The following RUNDC3B variants were observed in gnomAD, a reference collection of about 807,000 sequenced individuals.
The protein encoded by RUNDC3B is RUN domain containing 3B.
RUNDC3B carries 33 observed loss-of-function variants against 58.4 expected under a neutral mutation model. The observed-to-expected ratio is 0.56, with a 90% CI of 0.43 to 0.75. The LOEUF (loss-of-function observed/expected upper bound fraction) is 0.75, where lower values mean the gene tolerates loss of function less well. Among genes scored for constraint, RUNDC3B ranks in the 30% least tolerant of loss-of-function variants. The probability of loss-of-function intolerance (pLI) is 0.00; values close to 1 mark genes in which losing one functional copy is unlikely to be tolerated. For synonymous variants in RUNDC3B, 193 were observed against 195.2 expected, an observed-to-expected ratio of 0.99 and a Z score of 0.10; for missense variants, 501 against 535.7, an observed-to-expected ratio of 0.94 and a Z score of 0.64.
intron 6 of RUNDC3B, among the ~76,000 whole-genome samples, chr7:87,750,535 C>T (rs1484603852): frequency 1.3e-5 from 2 of 152,170 alleles, no homozygotes; most frequent in African/African-American, 2.4e-5. Flanking sequence ...TCCTCTCCAG[C>T]GCCTGTTGTT....
intron 4 of RUNDC3B, among the ~76,000 whole-genome samples, chr7:87,722,551 T>C (rs1830966077): frequency 6.6e-6 from 1 of 152,136 alleles, no homozygotes; most frequent in South Asian, 2.1e-4. Flanking sequence ...AGAAAGTTAG[T>C]ATGAGTGTAC....
chr7:87,808,710 A>G (rs916387508), intron 9 of RUNDC3B, among the ~76,000 whole-genome samples: 1 of 152,088 alleles, frequency 6.6e-6, no homozygotes, highest in African/African-American at 2.4e-5. Flanking sequence ...TAGTTCCCTT[A>G]TATGCCCTTA....
intron 1 of RUNDC3B, among the ~76,000 whole-genome samples, chr7:87,631,367 C>A (rs1430271012): frequency 6.6e-6 from 1 of 152,086 alleles, no homozygotes; most frequent in East Asian, 1.9e-4. Context: ...TCACTCATGT[C>A]TCTTATGAAT....
At chr7:87,751,373 T>G (rs1390433940) in intron 6 of RUNDC3B, among the ~76,000 whole-genome samples, 11 of 152,074 alleles carry the variant, frequency 7.2e-5, no homozygotes, top group Admixed American at 1.3e-4. Context: ...GCTCTTTTTT[T>G]ATTCCACATG....
chr7:87,714,370 G>A (rs1037767881), intron 4 of RUNDC3B, among the ~76,000 whole-genome samples: 7 of 152,120 alleles, frequency 4.6e-5, no homozygotes, highest in African/African-American at 1.7e-4. Flanking sequence ...GTTAGTGAGG[G>A]ATTTAGGGTC....
At chr7:87,802,878 G>A (rs1340639403) in intron 8 of RUNDC3B, among the ~76,000 whole-genome samples, 1 of 152,096 alleles carries the variant, frequency 6.6e-6, no homozygotes, top group Non-Finnish European at 1.5e-5. Context: ...CCCAGCTATT[G>A]GGAGATGGAG....
chr7:87,647,861 A>G (rs1424896127), intron 1 of RUNDC3B, among the ~76,000 whole-genome samples: 1 of 152,152 alleles, frequency 6.6e-6, no homozygotes, highest in Non-Finnish European at 1.5e-5. Flanking sequence ...AAATTGGCCA[A>G]CTTGCAGAGA....
intron 2 of RUNDC3B, among the ~76,000 whole-genome samples, chr7:87,662,338 C>T (rs1010888832): frequency 6.6e-6 from 1 of 152,096 alleles, no homozygotes; most frequent in Admixed American, 6.6e-5. Context: ...GTCCAATGTC[C>T]TGGAGACTTT....
At chr7:87,737,751 T>C (rs879932311) in intron 4 of RUNDC3B, among the ~76,000 whole-genome samples, 6 of 152,064 alleles carry the variant, frequency 3.9e-5, no homozygotes, top group Non-Finnish European at 8.8e-5. Context: ...TTAAATCATA[T>C]CTTACACTTA....
chr7:87,628,593 GT>G lies in RUNDC3B; in HGVS notation c.-230del. On this transcript the variant is annotated 5_prime_UTR_variant, in exon 1 of 11. Transcript: ENST00000394654. ...AGGTGGTGCGTGCGTGCGTGTGTGT[GT>G]GTGTGTGTGTGTGTGTGTGTGTGTG... is the stretch of plus-strand genomic sequence containing the variant. 2 of 124,706 alleles carry G rather than the reference GT, an allele frequency of 1.6e-5. No individual in the cohort carries two copies. The highest frequency in any genetic ancestry group is 1.2e-4 in the East Asian group (1 of 8,130). 7.7% of individuals were successfully genotyped at this position (124,706 alleles called of 1,614,324 possible). A position where few individuals can be genotyped will look rare whatever the true frequency, so the allele number is the denominator to read the frequency against.
intron 6 of RUNDC3B, among the ~76,000 whole-genome samples, chr7:87,749,407 C>A (rs1284103648): frequency 6.6e-6 from 1 of 152,016 alleles, no homozygotes; most frequent in African/African-American, 2.4e-5. Context: ...TATATACCTT[C>A]TTTATAAAAT....
At chr7:87,679,410 A>T (rs962925103) in intron 2 of RUNDC3B, among the ~76,000 whole-genome samples, 3 of 149,154 alleles carry the variant, frequency 2.0e-5, no homozygotes. Flanking sequence ...TTTTTTTAAG[A>T]CAGGATCTCA....
At chr7:87,634,230 A>G (rs1159229918) in intron 1 of RUNDC3B, among the ~76,000 whole-genome samples, 1 of 151,802 alleles carries the variant, frequency 6.6e-6, no homozygotes, top group East Asian at 1.9e-4. Flanking sequence ...GCTAGGCCCC[A>G]CCTCCCAACA....
intron 1 of RUNDC3B, among the ~76,000 whole-genome samples, chr7:87,638,922 G>A (rs958497125): frequency 6.6e-6 from 1 of 152,048 alleles, no homozygotes; most frequent in Non-Finnish European, 1.5e-5. Context: ...GGAGGCCAAG[G>A]CGGGTGGATC....
At chr7:87,645,850 C>T (rs1341123928) in intron 1 of RUNDC3B, among the ~76,000 whole-genome samples, 1 of 151,586 alleles carries the variant, frequency 6.6e-6, no homozygotes, top group Non-Finnish European at 1.5e-5. Context: ...GAAAGTGAAG[C>T]ATAGACTCTA....
intron 3 of RUNDC3B, among the ~76,000 whole-genome samples, chr7:87,707,733 C>G (rs982391797): frequency 2.0e-5 from 3 of 151,906 alleles, no homozygotes; most frequent in African/African-American, 7.3e-5. Context: ...AATATACATT[C>G]TTATCATACA....
intron 8 of RUNDC3B, among the ~76,000 whole-genome samples, chr7:87,787,372 G>A (rs1428881836): frequency 2.0e-5 from 3 of 152,102 alleles, no homozygotes; most frequent in East Asian, 3.8e-4. Context: ...TAAAGGAAAA[G>A]GCCAGAGAAG....
chr7:87,754,035 A>T (rs534325596), intron 6 of RUNDC3B, among the ~76,000 whole-genome samples: 174 of 152,318 alleles, frequency 1.1e-3, no homozygotes, highest in African/African-American at 4.1e-3. Flanking sequence ...TGACTGCAAG[A>T]AGAAGAGTCT....
intron 6 of RUNDC3B, among the ~76,000 whole-genome samples, chr7:87,743,744 A>T (rs756635140): frequency 6.6e-6 from 1 of 151,236 alleles, no homozygotes; most frequent in Non-Finnish European, 1.5e-5. Flanking sequence ...GGTTGTGAAG[A>T]TTTTCTCCTC....
Sources: allele counts gnomAD v4.1 joint callset (sites outside exome capture counted in the v4.1 genomes callset), GRCh38; gene constraint gnomAD v4.1.1; transcripts MANE v1.5; gene names NCBI Gene and HGNC (gene_info 2026-07-23, HGNC 2026-07-21).